EPHB1: variants seen among roughly 807,000 people sequenced by gnomAD.
EPHB1 encodes EPH receptor B1, also known as ephrin type-B receptor 1.
In EPHB1, 30 loss-of-function variants were observed where a neutral mutation model predicts 94.4. The observed-to-expected ratio is 0.32, with a 90% confidence interval of 0.24 to 0.43. EPHB1 has a LOEUF of 0.43. EPHB1 is among the 20% of genes least tolerant of loss of function. EPHB1 has a pLI of 1.00. For synonymous variants in EPHB1, 522 were observed against 489.1 expected (o/e 1.07, Z -0.89); for missense variants, 1,055 against 1,308.3 (o/e 0.81, Z 2.99).
intron 3 of EPHB1, among the ~76,000 whole-genome samples, chr3:135,030,322 T>G (rs1936386768): frequency 6.6e-6 from 1 of 152,224 alleles, no homozygotes; most frequent in Non-Finnish European, 1.5e-5. Context: ...GTTTCCATTT[T>G]TTCTGTTCTG....
intron 3 of EPHB1, among the ~76,000 whole-genome samples, chr3:135,033,156 A>G (rs1296132450): frequency 6.6e-6 from 1 of 152,186 alleles, no homozygotes; most frequent in Non-Finnish European, 1.5e-5. Context: ...TGCAGGATTC[A>G]GTTTGTGTTG....
intron 10 of EPHB1, among the ~76,000 whole-genome samples, chr3:135,188,007 T>C (rs573795421): frequency 5.3e-5 from 8 of 152,166 alleles, no homozygotes; most frequent in Admixed American, 5.2e-4. Context: ...GAGACCAGCC[T>C]GGCCAACATG....
At chr3:135,044,957 C>T (rs1936955626) in intron 3 of EPHB1, among the ~76,000 whole-genome samples, 2 of 152,094 alleles carry the variant, frequency 1.3e-5, no homozygotes, top group Admixed American at 1.3e-4. Flanking sequence ...AGAATCAAGG[C>T]TGAGTATGAA....
At chr3:135,225,764 A>G (rs946207690) in intron 12 of EPHB1, among the ~76,000 whole-genome samples, 1 of 151,600 alleles carries the variant, frequency 6.6e-6, no homozygotes, top group Non-Finnish European at 1.5e-5. Context: ...AGGAGGGGAA[A>G]CTGAGGTGAC....
intron 3 of EPHB1, among the ~76,000 whole-genome samples, chr3:135,003,956 A>C (rs1935289888): frequency 1.3e-5 from 2 of 151,904 alleles, no homozygotes; most frequent in Admixed American, 6.6e-5. Flanking sequence ...TAGTCCATTT[A>C]CATTTAAAGT....
chr3:134,917,421 G>T (rs1201890222), intron 1 of EPHB1, among the ~76,000 whole-genome samples: 1 of 152,224 alleles, frequency 6.6e-6, no homozygotes, highest in Non-Finnish European at 1.5e-5. Context: ...GAGAGAAATG[G>T]CTCTGGGCCT....
At position 134,970,323 on chromosome 3, in the gene EPHB1, G is replaced by C. The variant is rs1009212079; in HGVS notation, c.805+18271G>C. On this transcript the variant is annotated intron_variant, in intron 3 of 15. Transcript: ENST00000398015. ...AGCTCATTTTATCATCATTTTGCCT[G>C]TGATGTCCAATTATTTCAACATGGA... Among the ~76,000 whole-genome samples, 3 of 152,178 alleles carry C rather than the reference G, an allele frequency of 2.0e-5. No homozygotes were observed. The South Asian group carries it at 6.2e-4, about 32-fold the overall frequency.
chr3:134,805,822 T>A (rs994608386), intron 1 of EPHB1, among the ~76,000 whole-genome samples: 3 of 152,146 alleles, frequency 2.0e-5, no homozygotes, highest in Non-Finnish European at 4.4e-5. Context: ...CTTTCTCCTG[T>A]CCCACACTCG....
chr3:134,952,091 A>C lies in EPHB1; in HGVS notation c.805+39A>C, dbSNP rs533696965. 1.9e-6 allele frequency: 3 copies of C among 1,556,270 alleles called. No homozygotes were observed. In the South Asian group the frequency reaches 3.6e-5, roughly 19 times the overall value. ...CCTCTGCTTCCTGCCCATCTATGGC[A>C]GGGCCAGATCTGCAAGGTTTCCCCA... On this transcript the variant is annotated intron_variant, in intron 3 of 15. Coordinates refer to ENST00000398015, the MANE Select transcript of EPHB1 (RefSeq NM_004441.5).
chr3:135,192,747 G>T lies in EPHB1; in HGVS notation c.2054G>T (p.Gly685Val). 1 of 1,614,184 alleles carries T rather than the reference G, an allele frequency of 6.2e-7. No homozygotes were observed. Among genetic ancestry groups the T allele is most frequent in the Non-Finnish European group, 8.5e-7 (1 of 1,180,028 alleles). The change falls in exon 11 of 16, where the codon GGT becomes GTT. Residue 685 changes from glycine (G) to valine (V), a missense_variant. Coordinates refer to ENST00000398015, the MANE Select transcript of EPHB1 (RefSeq NM_004441.5). ...FDHPNIIRLE[G>V]VVTKSRPVMI... is the part of the protein sequence containing the mutation. Reference sequence around the variant, plus strand: ...CATCCTAACATCATTCGCCTGGAGGGTGTGGTCACCAAGAGTCGGCCTGTC... The same window carrying T: ...CATCCTAACATCATTCGCCTGGAGGTTGTGGTCACCAAGAGTCGGCCTGTC...
chr3:134,809,763 T>C (rs1390550714), intron 1 of EPHB1, among the ~76,000 whole-genome samples: 1 of 152,218 alleles, frequency 6.6e-6, no homozygotes, highest in Non-Finnish European at 1.5e-5. Context: ...CATGCAGACT[T>C]CTGAGCAACC....
At chr3:134,971,250 C>T (rs933779736) in intron 3 of EPHB1, among the ~76,000 whole-genome samples, 1 of 152,198 alleles carries the variant, frequency 6.6e-6, no homozygotes, top group African/African-American at 2.4e-5. Flanking sequence ...ATTAAATAAA[C>T]TGGGAGTGGG....
chr3:135,133,159 C>T, intron 5 of EPHB1, 110 bp downstream of exon 5: 3 of 1,127,580 alleles, frequency 2.7e-6, no homozygotes, highest in Non-Finnish European at 3.8e-6. Context: ...TGTCAGGCCT[C>T]TGCCCAGGAG....
chr3:134,945,816 C>G (rs1208359618), intron 2 of EPHB1, among the ~76,000 whole-genome samples: 2 of 152,188 alleles, frequency 1.3e-5, no homozygotes, highest in Non-Finnish European at 2.9e-5. Flanking sequence ...GACTTTCGGG[C>G]AGGCAGTGAG....
At chr3:135,060,303 G>T (rs528251785) in intron 3 of EPHB1, among the ~76,000 whole-genome samples, 15 of 152,228 alleles carry the variant, frequency 9.9e-5, no homozygotes, top group African/African-American at 3.6e-4. Context: ...GACTGGCCTT[G>T]TTCACTTAGC....
chr3:135,206,462 CTATT>C (rs145190225), intron 12 of EPHB1, among the ~76,000 whole-genome samples: 1,928 of 152,292 alleles, frequency 0.013, 28 homozygotes, highest in South Asian at 0.036. Context: ...CTCTTTTAAT[CTATT>C]TATTCTTATG....
chr3:135,064,290 A>G (rs866166557), intron 3 of EPHB1, among the ~76,000 whole-genome samples: 1 of 152,074 alleles, frequency 6.6e-6, no homozygotes, highest in South Asian at 2.1e-4. Context: ...CCTTCTTTGA[A>G]TGGCTGGTAG....
chr3:135,116,104 C>T (rs1327282849), intron 4 of EPHB1, among the ~76,000 whole-genome samples: 1 of 152,186 alleles, frequency 6.6e-6, no homozygotes, highest in East Asian at 1.9e-4. Flanking sequence ...GTCCCAGCTA[C>T]TCAGGAGGCT....
At chr3:135,155,787 C>CAAAA (rs35095229) in intron 6 of EPHB1, among the ~76,000 whole-genome samples, 5 of 59,430 alleles carry the variant, frequency 8.4e-5, no homozygotes, top group Non-Finnish European at 9.3e-5. Flanking sequence ...AAGACTTTGT[C>CAAAA]AAAAAAAAAA....
Sources: allele counts gnomAD v4.1 joint callset (sites outside exome capture counted in the v4.1 genomes callset), GRCh38; gene constraint gnomAD v4.1.1; transcripts MANE v1.5; gene names NCBI Gene and HGNC (gene_info 2026-07-23, HGNC 2026-07-21).